Variants in ATP2C1 observed in about 807,000 individuals in gnomAD.
The protein encoded by ATP2C1 is calcium-transporting ATPase type 2C member 1.
Under a neutral mutation model 120.5 loss-of-function variants are expected in ATP2C1, and 31 were observed. The observed-to-expected ratio is 0.26, with a 90% confidence interval of 0.19 to 0.35. ATP2C1 has a LOEUF of 0.35. ATP2C1 is among the 10% of genes least tolerant of loss of function. ATP2C1 has a pLI of 1.00. For synonymous variants in ATP2C1, 351 were observed against 358.7 expected (o/e 0.98, Z 0.24); for missense variants, 731 against 1,107.5 (o/e 0.66, Z 4.83).
rs1161473417 is a variant in ATP2C1, at chr3:130,911,641, A to C, written c.6+16866A>C. ...GGAAGAACATTCCATGCTCATGGGT[A>C]GGAAGAATCAATATTGTGAAAATGG... On this transcript the variant is annotated intron_variant, in intron 2 of 27. Coordinates refer to ENST00000510168, the MANE Select transcript of ATP2C1 (RefSeq NM_001378687.1). Among the ~76,000 whole-genome samples, 3 of 152,206 alleles carry C rather than the reference A, an allele frequency of 2.0e-5. No individual in the cohort carries two copies. The East Asian group carries it at 5.8e-4, about 29-fold the overall frequency.
intron 12 of ATP2C1, among the ~76,000 whole-genome samples, chr3:130,960,731 C>T (rs2108605796): frequency 6.6e-6 from 1 of 152,162 alleles, no homozygotes; most frequent in African/African-American, 2.4e-5. Context: ...ATTAGGGGGG[C>T]AATTGATCAT....
intron 8 of ATP2C1, among the ~76,000 whole-genome samples, chr3:130,943,637 G>A (rs1242693857): frequency 6.6e-6 from 1 of 152,198 alleles, no homozygotes; most frequent in Non-Finnish European, 1.5e-5. Flanking sequence ...TTATTCTGCA[G>A]TACTGTAGTT....
rs1476387326 is a variant in ATP2C1 at position 130,907,632 on chromosome 3, T to C, written c.6+12857T>C. 2.0e-5 allele frequency among the ~76,000 whole-genome samples: 3 copies of C among 152,048 alleles called. No individual in the cohort carries two copies. The East Asian group carries it at 5.8e-4, about 29-fold the overall frequency. ...TTCTATTCTGTTGGTTTATATGTCTTTGCTGATGTAAGTACCATAATGTTT... is the reference window on the plus strand; with the variant it reads ...TTCTATTCTGTTGGTTTATATGTCTCTGCTGATGTAAGTACCATAATGTTT... On this transcript the variant is annotated intron_variant, in intron 2 of 27. Coordinates refer to ENST00000510168, the MANE Select transcript of ATP2C1 (RefSeq NM_001378687.1).
chr3:130,972,538 A>G (rs2061367902), intron 17 of ATP2C1, among the ~76,000 whole-genome samples: 1 of 149,828 alleles, frequency 6.7e-6, no homozygotes, highest in South Asian at 2.1e-4. Context: ...TTAGTTACAT[A>G]TGTATACATG....
intron 2 of ATP2C1, among the ~76,000 whole-genome samples, chr3:130,917,674 G>T (rs2058746382): frequency 6.6e-6 from 1 of 152,180 alleles, no homozygotes; most frequent in South Asian, 2.1e-4. Context: ...GTGGTAAAGA[G>T]ATCTAGCCTC....
At chr3:130,860,351 G>A (rs1268608699) in intron 1 of ATP2C1, among the ~76,000 whole-genome samples, 1 of 152,200 alleles carries the variant, frequency 6.6e-6, no homozygotes, top group African/African-American at 2.4e-5. Flanking sequence ...TTGCTGTGAA[G>A]AGAGCAGGAA....
Position 130,996,667 on chromosome 3 carries a change from T to C in ATP2C1, c.2127-13T>C. 6.6e-7 allele frequency: 1 copy of C among 1,509,276 alleles called. No homozygotes were observed. The highest frequency in any genetic ancestry group is 9.2e-7 in the Non-Finnish European group (1 of 1,084,502). The allele number at this position is 1,509,276 out of a possible 1,614,324, so 93.5% of individuals were successfully genotyped here. ...CTCTACTGATATTTTTAAATGACTC[T>C]CTTTTTCAACAGGAGTATAGCAGCA... On this transcript the variant is annotated splice_polypyrimidine_tract_variant and intron_variant, in intron 23 of 27. Transcript: ENST00000510168.
chr3:130,903,466 A>G (rs2057962043), intron 2 of ATP2C1, among the ~76,000 whole-genome samples: 1 of 152,018 alleles, frequency 6.6e-6, no homozygotes, highest in Non-Finnish European at 1.5e-5. Flanking sequence ...GAATGCCACC[A>G]TAATGTCTTT....
chr3:130,934,670 G>A lies in ATP2C1; in HGVS notation c.283G>A (p.Val95Ile). The A allele has an allele frequency of 6.2e-7, 1 of 1,613,376 alleles. No homozygotes were observed. Among genetic ancestry groups the A allele is most frequent in the Non-Finnish European group, 8.5e-7 (1 of 1,179,560 alleles). ...GCTTCTGGCTTCTGCAGTCATCAGTGTTTTAATGCATCAGTTTGATGATGC... is the reference window on the plus strand; with the variant it reads ...GCTTCTGGCTTCTGCAGTCATCAGTATTTTAATGCATCAGTTTGATGATGC... ...MLLLASAVIS[V>I]LMHQFDDAVS... The change falls in exon 5 of 28, where the codon GTT (valine) becomes ATT (isoleucine). Residue 95 changes from valine (V) to isoleucine (I), a missense_variant. Around this residue, in one of 3 missense-constraint regions of ATP2C1, gnomAD observed 571 missense variants for 845.9 expected, o/e 0.67. Coordinates refer to ENST00000510168, the MANE Select transcript of ATP2C1 (RefSeq NM_001378687.1).
At chr3:130,911,413 TG>T (rs759888512) in intron 2 of ATP2C1, among the ~76,000 whole-genome samples, 1 of 151,258 alleles carries the variant, frequency 6.6e-6, no homozygotes, top group Non-Finnish European at 1.5e-5. Context: ...CTGGATTCAT[TG>T]ATTTTTTTGA....
intron 2 of ATP2C1, among the ~76,000 whole-genome samples, chr3:130,898,825 A>G (rs1409532197): frequency 6.6e-6 from 1 of 152,152 alleles, no homozygotes; most frequent in Non-Finnish European, 1.5e-5. Flanking sequence ...TCTGTTTTGC[A>G]AGGTTAAATT....
chr3:130,899,226 C>T (rs1357505791), intron 2 of ATP2C1, among the ~76,000 whole-genome samples: 1 of 152,108 alleles, frequency 6.6e-6, no homozygotes, highest in Non-Finnish European at 1.5e-5. Flanking sequence ...GGTGCTGACC[C>T]ACCATGCAGT....
chr3:130,993,078 C>A, intron 21 of ATP2C1, 77 bp downstream of exon 21: 1 of 1,279,460 alleles, frequency 7.8e-7, no homozygotes, highest in Non-Finnish European at 1.1e-6. Flanking sequence ...GTTTGCATTA[C>A]AGGGAGTAGA....
In ATP2C1 at chr3:131,014,207, T is replaced by C; in HGVS notation, c.2630-1945T>C. The C allele has an allele frequency of 1.9e-6, 3 of 1,614,110 alleles. No homozygotes were observed. The South Asian group carries it at 3.3e-5, about 18-fold the overall frequency. ...TGGTATTCTGTTTCTTCTGCCTTTT[T>C]TTTTTTGAATTTGATCTACCTTTTG... On this transcript the variant is annotated intron_variant, in intron 26 of 26. Transcript: ENST00000328560.
intron 17 of ATP2C1, 29 bp from the exon 18 acceptor site, chr3:130,975,303 A>C (rs1162797960): frequency 1.2e-6 from 2 of 1,611,998 alleles, no homozygotes; most frequent in Non-Finnish European, 1.7e-6. Flanking sequence ...GTTGAAATTA[A>C]ACTTGTGTTT....
intron 7 of ATP2C1, among the ~76,000 whole-genome samples, 154 bp from the exon 8 acceptor site, chr3:130,941,437 C>T (rs1186245771): frequency 6.6e-6 from 1 of 152,194 alleles, no homozygotes; most frequent in Non-Finnish European, 1.5e-5. Context: ...AAGTTATTTT[C>T]TGTCATCTTG....
intron 20 of ATP2C1, 132 bp from the exon 21 acceptor site, chr3:130,992,819 T>G (rs2062418149): frequency 1.4e-6 from 1 of 726,786 alleles, no homozygotes; most frequent in Non-Finnish European, 2.5e-6. Context: ...GTCATATTGC[T>G]TAAGCTTGAT....
intron 12 of ATP2C1, among the ~76,000 whole-genome samples, chr3:130,961,654 C>T (rs562088888): frequency 6.6e-6 from 1 of 152,112 alleles, no homozygotes; most frequent in African/African-American, 2.4e-5. Context: ...TAAAGTATTG[C>T]ATCATTTAAG....
chr3:131,013,844 TG>T, intron 26 of ATP2C1: 2 of 463,826 alleles, frequency 4.3e-6, no homozygotes, highest in Non-Finnish European at 7.6e-6. Context: ...AGTATAAACA[TG>T]GTTTCAAACA....
Sources: gnomAD v4.1 joint callset for allele counts (sites outside exome capture counted in the v4.1 genomes callset) on GRCh38, gnomAD v4.1.1 for gene constraint, gnomAD v4.1.1 regional missense constraint, MANE v1.5 for transcripts, NCBI Gene and HGNC (gene_info 2026-07-23, HGNC 2026-07-21) for gene names.